CAMTA1: variants seen among roughly 807,000 people sequenced by gnomAD.
CAMTA1 encodes calmodulin binding transcription activator 1, also known as calmodulin-binding transcription activator 1.
Under a neutral mutation model 170.9 loss-of-function variants are expected in CAMTA1, and 27 were observed. The ratio of observed to expected loss-of-function variants is 0.16; its 90% CI spans 0.12 to 0.22. CAMTA1 has a LOEUF of 0.22. Ranked by LOEUF, CAMTA1 falls within the 10% of genes least tolerant of loss-of-function variation. The pLI, the probability that CAMTA1 is intolerant of heterozygous loss-of-function variation, is 1.00. For missense variants in CAMTA1, 1,619 were observed against 2,217.2 expected, an observed-to-expected ratio of 0.73 and a Z score of 5.42; for synonymous variants, 833 against 891.5, an observed-to-expected ratio of 0.93 and a Z score of 1.17.
intron 11 of CAMTA1, among the ~76,000 whole-genome samples, chr1:7,704,934 G>A (rs1210351803): frequency 7.0e-6 from 1 of 143,654 alleles, no homozygotes; most frequent in East Asian, 2.0e-4. Context: ...GAGGGCGCGT[G>A]CGGTCGAGGG....
chr1:7,269,599 G>C (rs910787630), intron 5 of CAMTA1, among the ~76,000 whole-genome samples: 1 of 152,168 alleles, frequency 6.6e-6, no homozygotes, highest in Non-Finnish European at 1.5e-5. Context: ...ATTAATACCA[G>C]ATTAGACACA....
At chr1:6,878,737 G>T (rs937949914) in intron 3 of CAMTA1, among the ~76,000 whole-genome samples, 1 of 152,192 alleles carries the variant, frequency 6.6e-6, no homozygotes, top group Non-Finnish European at 1.5e-5. Context: ...AGTAAGGGAC[G>T]TGGGCAGATG....
At chr1:7,180,271 G>C (rs1263055533) in intron 4 of CAMTA1, among the ~76,000 whole-genome samples, 1 of 152,014 alleles carries the variant, frequency 6.6e-6, no homozygotes, top group Non-Finnish European at 1.5e-5. Flanking sequence ...GGAGGCTGAG[G>C]CAGGAGAATT....
At chr1:7,454,416 A>C (rs2092903813) in intron 5 of CAMTA1, among the ~76,000 whole-genome samples, 1 of 152,226 alleles carries the variant, frequency 6.6e-6, no homozygotes, top group Non-Finnish European at 1.5e-5. Context: ...CATTTAATCC[A>C]ACAAACCTGC....
intron 11 of CAMTA1, among the ~76,000 whole-genome samples, chr1:7,720,872 A>T (rs897017939): frequency 1.4e-4 from 22 of 152,110 alleles, no homozygotes; most frequent in African/African-American, 4.8e-4. Flanking sequence ...TTGCTTTCCA[A>T]GTCAGCTCTG....
At chr1:7,557,077 G>A (rs1008029298) in intron 6 of CAMTA1, among the ~76,000 whole-genome samples, 10 of 152,098 alleles carry the variant, frequency 6.6e-5, no homozygotes, top group Admixed American at 5.9e-4. Flanking sequence ...GGAGACCGAG[G>A]CGGGAGGATT....
chr1:7,666,147 C>T (rs1398403121), intron 9 of CAMTA1, among the ~76,000 whole-genome samples: 15 of 149,144 alleles, frequency 1.0e-4, no homozygotes, highest in Non-Finnish European at 1.8e-4. Flanking sequence ...CCAGCCTGGG[C>T]GACAAGAATG....
Position 7,642,051 on chromosome 1 carries a change from G to C in CAMTA1, c.664+1498G>C, listed in dbSNP as rs2148948289. ...GCCTCTCCACCTGCCCCTCTCCCTG[G>C]CTCTGCCTGCTCACCCCACCTTTCC... is the stretch of plus-strand genomic sequence containing the variant. On this transcript the variant is annotated intron_variant, in intron 7 of 22. Coordinates refer to ENST00000303635, the MANE Select transcript of CAMTA1 (RefSeq NM_015215.4). This position sits in a 1 kb window ranked among gnomAD's most constrained non-coding sequence, Gnocchi z 6.3. 6.6e-6 allele frequency among the ~76,000 whole-genome samples: 1 copy of C among 151,736 alleles called. No individual in the cohort carries two copies. Among genetic ancestry groups the C allele is most frequent in the Admixed American group, 6.6e-5 (1 of 15,240 alleles).
chr1:7,284,161 T>TCTTCTG (rs1671953245), intron 5 of CAMTA1, among the ~76,000 whole-genome samples: 2 of 117,164 alleles, frequency 1.7e-5, no homozygotes, highest in African/African-American at 6.9e-5. Flanking sequence ...TTCTTCTTCT[T>TCTTCTG]CTTCTTCTTC....
chr1:7,213,127 T>C (rs1311461530), intron 4 of CAMTA1, among the ~76,000 whole-genome samples: 1 of 152,240 alleles, frequency 6.6e-6, no homozygotes, highest in Non-Finnish European at 1.5e-5. Flanking sequence ...GATAAATGCC[T>C]AGGAATGCAG....
chr1:7,425,443 T>C (rs2091826453), intron 5 of CAMTA1, among the ~76,000 whole-genome samples: 1 of 151,996 alleles, frequency 6.6e-6, no homozygotes, highest in Non-Finnish European at 1.5e-5. Flanking sequence ...TGAATGGCGA[T>C]GGGGGCAGGA....
chr1:7,276,246 T>A (rs1670572729), intron 5 of CAMTA1, among the ~76,000 whole-genome samples: 1 of 116,340 alleles, frequency 8.6e-6, no homozygotes, highest in Non-Finnish European at 1.7e-5. Flanking sequence ...CTCAATCCAA[T>A]AAAGGAAATC....
chr1:6,974,028 T>C (rs1391400505), intron 3 of CAMTA1, among the ~76,000 whole-genome samples: 4 of 152,172 alleles, frequency 2.6e-5, no homozygotes, highest in Non-Finnish European at 5.9e-5. Context: ...TTTTGTGGGG[T>C]TCTCATTATT....
intron 1 of CAMTA1, among the ~76,000 whole-genome samples, chr1:6,793,063 C>A (rs1182327869): frequency 6.6e-6 from 1 of 151,700 alleles, no homozygotes; most frequent in Non-Finnish European, 1.5e-5. Flanking sequence ...TATATATACC[C>A]CACTCTTATA....
At position 7,249,772 on chromosome 1, in the gene CAMTA1, GT is replaced by G; in HGVS notation, c.438+151del. On this transcript the variant is annotated intron_variant, in intron 5 of 22. Transcript: ENST00000303635. The surrounding 1 kb of genome is among the most constrained non-coding windows in gnomAD (Gnocchi z 4.4). Reference sequence around the variant, plus strand: ...AGACCCTGGTTTTTGCTTTTGTTTCGTTTTTCTACCTTCTTACCCTATAGTC... The same window carrying G: ...AGACCCTGGTTTTTGCTTTTGTTTCGTTTTCTACCTTCTTACCCTATAGTC... 2.2e-6 allele frequency: 2 copies of G among 928,646 alleles called. No individual in the cohort carries two copies. Among genetic ancestry groups the G allele is most frequent in the Non-Finnish European group, 3.2e-6 (2 of 634,002 alleles). 57.5% of individuals were successfully genotyped at this position (928,646 alleles called of 1,614,324 possible). A position where few individuals can be genotyped will look rare whatever the true frequency, so the allele number is the denominator to read the frequency against.
At chr1:6,871,303 G>A (rs919562743) in intron 3 of CAMTA1, among the ~76,000 whole-genome samples, 81 of 152,164 alleles carry the variant, frequency 5.3e-4, no homozygotes, top group African/African-American at 1.9e-3. Flanking sequence ...TCACTTTATT[G>A]CTGTCTTCTA....
chr1:6,916,701 G>A (rs1414761464), intron 3 of CAMTA1, among the ~76,000 whole-genome samples: 1 of 152,194 alleles, frequency 6.6e-6, no homozygotes, highest in African/African-American at 2.4e-5. Flanking sequence ...AACTGGTTGT[G>A]GTCCTGGGCC....
At chr1:7,556,318 T>G (rs2094876547) in intron 6 of CAMTA1, among the ~76,000 whole-genome samples, 1 of 152,080 alleles carries the variant, frequency 6.6e-6, no homozygotes, top group Non-Finnish European at 1.5e-5. Flanking sequence ...AGGCCAGTCC[T>G]TTGCTATCTC....
intron 3 of CAMTA1, among the ~76,000 whole-genome samples, chr1:6,868,839 A>G (rs544543230): frequency 7.9e-4 from 121 of 152,344 alleles, no homozygotes; most frequent in African/African-American, 2.7e-3. Flanking sequence ...TTCAGCCTCC[A>G]TGTAACTCAC....
Sources: gnomAD v4.1 joint callset for allele counts (sites outside exome capture counted in the v4.1 genomes callset) on GRCh38, gnomAD v4.1.1 for gene constraint, Gnocchi (gnomAD v3.1) non-coding constraint, MANE v1.5 for transcripts, NCBI Gene and HGNC (gene_info 2026-07-23, HGNC 2026-07-21) for gene names.